The following GARIN1B variants were observed in gnomAD, a reference collection of about 807,000 sequenced individuals.
The protein encoded by GARIN1B is golgi associated RAB2 interactor 1B.
chr7:128,722,674 G>T, the GARIN1B span, among the ~76,000 whole-genome samples: 3 of 152,064 alleles, frequency 2.0e-5, no homozygotes, highest in Non-Finnish European at 4.4e-5. Flanking sequence ...TGTGGTGGCA[G>T]ACACCTGTAG....
At chr7:128,727,571 C>T in the GARIN1B span, among the ~76,000 whole-genome samples, 4 of 152,306 alleles carry the variant, frequency 2.6e-5, no homozygotes, top group East Asian at 7.7e-4. Context: ...CTAGTTCACC[C>T]CAAATCCACT....
chr7:128,722,934 T>C, the GARIN1B span, among the ~76,000 whole-genome samples: 1 of 152,338 alleles, frequency 6.6e-6, no homozygotes, highest in Non-Finnish European at 1.5e-5. Flanking sequence ...TATTAAGGTA[T>C]ATTAATAGGA....
the GARIN1B span, chr7:128,724,813 CT>C: frequency 7.8e-7 from 1 of 1,289,738 alleles, no homozygotes; most frequent in African/African-American, 1.5e-5. Flanking sequence ...AATTCCCTTT[CT>C]TTCTGAGCAC....
the GARIN1B span, chr7:128,719,049 C>T: frequency 6.2e-7 from 1 of 1,614,024 alleles, no homozygotes; most frequent in South Asian, 1.1e-5. Flanking sequence ...TGCCTGGTAC[C>T]CAAGAACTGC....
chr7:128,729,896 A>C, the GARIN1B span: 2 of 1,612,110 alleles, frequency 1.2e-6, no homozygotes, highest in Non-Finnish European at 1.7e-6. Flanking sequence ...TCTTTACTTG[A>C]TCTAGGGAAA....
At chr7:128,719,697 C>CTTTTTT in the GARIN1B span, among the ~76,000 whole-genome samples, 15 of 99,006 alleles carry the variant, frequency 1.5e-4, no homozygotes, top group East Asian at 2.5e-4. Flanking sequence ...TTTTGTTTTG[C>CTTTTTT]TTTTTTTTTT....
chr7:128,729,020 A>G, the GARIN1B span, among the ~76,000 whole-genome samples: 2 of 152,238 alleles, frequency 1.3e-5, no homozygotes, highest in African/African-American at 2.4e-5. Context: ...GAATATTTCA[A>G]ACATTTCTGG....
At chr7:128,719,109 C>A in the GARIN1B span, 70 of 1,606,186 alleles carry the variant, frequency 4.4e-5, no homozygotes, top group Non-Finnish European at 5.7e-5. Flanking sequence ...TGCCACCCTG[C>A]AGTCAAGGCC....
the GARIN1B span, among the ~76,000 whole-genome samples, chr7:128,716,338 G>A: frequency 6.6e-6 from 1 of 152,182 alleles, no homozygotes; most frequent in South Asian, 2.1e-4. Flanking sequence ...GAAGGTGCAG[G>A]AGATAATAGG....
chr7:128,721,406 G>A, the GARIN1B span, among the ~76,000 whole-genome samples: 2 of 152,024 alleles, frequency 1.3e-5, no homozygotes, highest in African/African-American at 4.8e-5. Flanking sequence ...TTTCATTTTT[G>A]GGTCATTCAT....
chr7:128,715,793 T>C, the GARIN1B span: 10 of 1,078,404 alleles, frequency 9.3e-6, no homozygotes, highest in Non-Finnish European at 1.4e-5. Flanking sequence ...GAGTGAGAAT[T>C]GAGGCAAGGA....
At chr7:128,717,848 A>C in the GARIN1B span, among the ~76,000 whole-genome samples, 2 of 151,964 alleles carry the variant, frequency 1.3e-5, no homozygotes, top group South Asian at 4.1e-4. Context: ...GGGACGAAGT[A>C]GCCTTTTTAA....
chr7:128,712,950 G>A, the GARIN1B span, among the ~76,000 whole-genome samples: 1 of 152,126 alleles, frequency 6.6e-6, no homozygotes, highest in Non-Finnish European at 1.5e-5. Context: ...GGGAGGCCAG[G>A]AAATGTAATC....
chr7:128,710,200 C>T, the GARIN1B span, among the ~76,000 whole-genome samples: 2 of 152,182 alleles, frequency 1.3e-5, no homozygotes, highest in African/African-American at 4.8e-5. Context: ...CAGGTGTGAG[C>T]CACCACACCC....
the GARIN1B span, chr7:128,715,482 C>G: frequency 6.2e-7 from 1 of 1,614,090 alleles, no homozygotes; most frequent in East Asian, 2.2e-5. Context: ...TGGAGGAAAT[C>G]AAAGAAGACA....
the GARIN1B span, among the ~76,000 whole-genome samples, chr7:128,718,434 GA>G: frequency 0.28 from 32,855 of 117,852 alleles, 3,782 homozygotes; most frequent in East Asian, 0.4. Flanking sequence ...CTTTGCCTCA[GA>G]AAAAAAAAAA....
the GARIN1B span, chr7:128,716,938 CCAGG>C: frequency 6.2e-7 from 1 of 1,613,872 alleles, no homozygotes; most frequent in Non-Finnish European, 8.5e-7. Context: ...TCAAATGGCA[CCAGG>C]GGCAGAACCA....
the GARIN1B span, chr7:128,715,276 C>T: frequency 6.9e-7 from 1 of 1,441,442 alleles, no homozygotes. Context: ...AGGGAGGCTC[C>T]TTTGCACTTC....
At chr7:128,719,649 T>C in the GARIN1B span, among the ~76,000 whole-genome samples, 1 of 151,630 alleles carries the variant, frequency 6.6e-6, no homozygotes, top group African/African-American at 2.4e-5. Context: ...TGGGGCCAAC[T>C]CCAGGGCAGA....
Sources: allele counts gnomAD v4.1 joint callset (sites outside exome capture counted in the v4.1 genomes callset), GRCh38; gene constraint gnomAD v4.1.1; transcripts MANE v1.5; gene names NCBI Gene and HGNC (gene_info 2026-07-23, HGNC 2026-07-21).